DPY19L4: variants seen among roughly 807,000 people sequenced by gnomAD.
The protein encoded by DPY19L4 is probable C-mannosyltransferase DPY19L4.
Under a neutral mutation model 102.8 loss-of-function variants are expected in DPY19L4, and 97 were observed. That is an observed-to-expected ratio of 0.94 (90% CI 0.80 to 1.12). The LOEUF (loss-of-function observed/expected upper bound fraction) is 1.12, where lower values mean the gene tolerates loss of function less well. Among genes scored for constraint, DPY19L4 ranks in the 50% most tolerant of loss-of-function variants. DPY19L4 has a pLI of 0.00. For missense variants in DPY19L4, 815 were observed against 850.4 expected, an observed-to-expected ratio of 0.96 and a Z score of 0.52; for synonymous variants, 252 against 283.1, an observed-to-expected ratio of 0.89 and a Z score of 1.10.
At chr8:94,757,071 GCAA>G (rs1812192563) in intron 7 of DPY19L4, among the ~76,000 whole-genome samples, 1 of 152,014 alleles carries the variant, frequency 6.6e-6, no homozygotes, top group African/African-American at 2.4e-5. Flanking sequence ...GATTATAGAG[GCAA>G]CCAGTTATAT....
intron 6 of DPY19L4, among the ~76,000 whole-genome samples, chr8:94,752,655 A>G (rs1305848332): frequency 7.1e-6 from 1 of 141,646 alleles, no homozygotes; most frequent in Non-Finnish European, 1.5e-5. Flanking sequence ...TATTAGTTTT[A>G]GTATTTTTTT....
intron 1 of DPY19L4, among the ~76,000 whole-genome samples, chr8:94,722,630 T>C (rs1810517034): frequency 6.6e-6 from 1 of 152,214 alleles, no homozygotes; most frequent in Non-Finnish European, 1.5e-5. Flanking sequence ...TTTATTATAA[T>C]GCTAGTAATA....
Position 94,761,827 on chromosome 8 carries a change from G to T in DPY19L4, c.863G>T (p.Ser288Ile). 6.2e-7 allele frequency: 1 copy of T among 1,605,020 alleles called. No homozygotes were observed. The highest frequency in any genetic ancestry group is 1.1e-5 in the South Asian group (1 of 88,156). The change falls in exon 8 of 19, where the codon AGT (serine) becomes ATT (isoleucine). Residue 288 changes from serine (S) to isoleucine (I), a missense_variant. Transcript: ENST00000414645. ...FLLDTFSVEQ[S>I]DKVYEVYKIY... is the part of the protein sequence containing the mutation. ...CTAGATACCTTTTCAGTGGAGCAAA[G>T]TGACAAGGTATTATGGCATTTTGAA... is the stretch of plus-strand genomic sequence containing the variant.
In DPY19L4 at chr8:94,737,428, G is replaced by A. The variant is rs1238701616; in HGVS notation, c.253-941G>A. On this transcript the variant is annotated intron_variant, in intron 3 of 18. Transcript: ENST00000414645. ...TGACCTTAAGTGATCCACCCACTTC[G>A]GCCTCCGAAAGTGCTGGGATTACAG... Among the ~76,000 whole-genome samples, 7 of 151,866 alleles carry A rather than the reference G, an allele frequency of 4.6e-5. No homozygotes were observed. In the South Asian group the frequency reaches 8.3e-4, roughly 18 times the overall value.
chr8:94,744,227 C>A, intron 6 of DPY19L4: 1 of 396,438 alleles, frequency 2.5e-6, no homozygotes, highest in South Asian at 1.9e-5. Context: ...GAAGGCCTGG[C>A]TGGGCTGAAG....
At chr8:94,733,846 C>G (rs1811077953) in intron 2 of DPY19L4, among the ~76,000 whole-genome samples, 2 of 152,124 alleles carry the variant, frequency 1.3e-5, no homozygotes, top group South Asian at 4.1e-4. Flanking sequence ...CCGGCCTATA[C>G]TTTAATTTTT....
intron 6 of DPY19L4, among the ~76,000 whole-genome samples, chr8:94,747,031 G>A (rs570621702): frequency 2.0e-5 from 3 of 151,840 alleles, no homozygotes; most frequent in African/African-American, 7.2e-5. Context: ...TTTTACCATA[G>A]TGATCAGAAC....
At chr8:94,730,330 G>T (rs1284315388) in intron 2 of DPY19L4, among the ~76,000 whole-genome samples, 1 of 152,116 alleles carries the variant, frequency 6.6e-6, no homozygotes, top group Non-Finnish European at 1.5e-5. Context: ...AAACTAAAAT[G>T]GTTGTATTTT....
At chr8:94,733,347 G>A (rs998283557) in intron 2 of DPY19L4, among the ~76,000 whole-genome samples, 7 of 151,672 alleles carry the variant, frequency 4.6e-5, no homozygotes, top group East Asian at 2.0e-4. Context: ...GGATGGTCTC[G>A]ATCTCCTGAC....
intron 2 of DPY19L4, among the ~76,000 whole-genome samples, chr8:94,729,213 A>G (rs1407318721): frequency 6.6e-6 from 1 of 151,980 alleles, no homozygotes; most frequent in African/African-American, 2.4e-5. Context: ...TACTAAAAAA[A>G]TACAAAAAAT....
At chr8:94,729,596 T>G (rs1204730627) in intron 2 of DPY19L4, among the ~76,000 whole-genome samples, 1 of 8,182 alleles carries the variant, frequency 1.2e-4, no homozygotes, top group Non-Finnish European at 2.0e-4. Context: ...AGATTCCATC[T>G]CAAAAAAAAA....
intron 16 of DPY19L4, among the ~76,000 whole-genome samples, chr8:94,782,088 T>G (rs1813455666): frequency 6.6e-6 from 1 of 152,182 alleles, no homozygotes; most frequent in Non-Finnish European, 1.5e-5. Flanking sequence ...TTTATGTCAT[T>G]TAGGGTTTGC....
At chr8:94,752,459 G>A (rs1384253305) in intron 6 of DPY19L4, among the ~76,000 whole-genome samples, 1 of 150,856 alleles carries the variant, frequency 6.6e-6, no homozygotes, top group African/African-American at 2.4e-5. Context: ...GGTGGCACGC[G>A]CCTGTAGTCC....
At chr8:94,771,211 A>C (rs1419258243) in intron 13 of DPY19L4, among the ~76,000 whole-genome samples, 2 of 152,182 alleles carry the variant, frequency 1.3e-5, no homozygotes, top group Admixed American at 6.5e-5. Context: ...CACCGCACCC[A>C]GCAAAGATTG....
chr8:94,788,095 A>ATATATATATATATATATT (rs778540423), intron 18 of DPY19L4, 43 bp downstream of exon 18: 2 of 939,262 alleles, frequency 2.1e-6, no homozygotes, highest in African/African-American at 4.7e-5. Context: ...ATATATATAT[A>ATATATATATATATATATT]TTTTTTTTTT....
At chr8:94,769,526 A>G (rs1812829729) in intron 12 of DPY19L4, among the ~76,000 whole-genome samples, 1 of 152,170 alleles carries the variant, frequency 6.6e-6, no homozygotes, top group African/African-American at 2.4e-5. Context: ...TATTTAACTT[A>G]AATGAAGTTA....
intron 16 of DPY19L4, among the ~76,000 whole-genome samples, chr8:94,782,646 A>C (rs1374573707): frequency 2.0e-5 from 3 of 152,046 alleles, no homozygotes; most frequent in Non-Finnish European, 4.4e-5. Flanking sequence ...GAAAAAAGAC[A>C]AAAAGTGTTT....
At chr8:94,729,667 TA>T (rs1003238193) in intron 2 of DPY19L4, among the ~76,000 whole-genome samples, 60 of 118,166 alleles carry the variant, frequency 5.1e-4, no homozygotes, top group Admixed American at 8.9e-4. Flanking sequence ...ACAAAAAAAT[TA>T]AAAAAAAAAA....
intron 18 of DPY19L4, among the ~76,000 whole-genome samples, chr8:94,788,387 T>C (rs113305522): frequency 6.6e-6 from 1 of 152,170 alleles, no homozygotes; most frequent in Admixed American, 6.6e-5. Context: ...TATTTTATTA[T>C]AATAATCTAA....
Sources: allele counts gnomAD v4.1 joint callset (sites outside exome capture counted in the v4.1 genomes callset), GRCh38; gene constraint gnomAD v4.1.1; transcripts MANE v1.5; gene names NCBI Gene and HGNC (gene_info 2026-07-23, HGNC 2026-07-21).